The following KDM4C variants were observed in gnomAD, a reference collection of about 807,000 sequenced individuals.
KDM4C encodes the protein lysine-specific demethylase 4C.
KDM4C carries 81 observed loss-of-function variants against 129.3 expected under a neutral mutation model. The ratio of observed to expected loss-of-function variants is 0.63; its 90% confidence interval spans 0.52 to 0.75. The LOEUF (loss-of-function observed/expected upper bound fraction) is 0.75, where lower values mean the gene tolerates loss of function less well. Among genes scored for constraint, KDM4C ranks in the 30% least tolerant of loss-of-function variants. The probability of loss-of-function intolerance (pLI) is 0.00; values close to 1 mark genes in which losing one functional copy is unlikely to be tolerated. For missense variants in KDM4C, 1,457 were observed against 1,304.0 expected, an observed-to-expected ratio of 1.12 and a Z score of -1.81; for synonymous variants, 573 against 456.1, an observed-to-expected ratio of 1.26 and a Z score of -3.26.
intron 8 of KDM4C, among the ~76,000 whole-genome samples, chr9:6,937,611 G>A (rs1028941721): frequency 1.3e-5 from 2 of 152,108 alleles, no homozygotes; most frequent in African/African-American, 4.8e-5. Flanking sequence ...AGCAGGCTGG[G>A]AGTCTTCACC....
intron 8 of KDM4C, among the ~76,000 whole-genome samples, chr9:6,966,849 A>T (rs935170917): frequency 6.6e-6 from 1 of 152,222 alleles, no homozygotes; most frequent in Non-Finnish European, 1.5e-5. Flanking sequence ...AGATGAAAAT[A>T]TAGGGGACAG....
At chr9:6,974,201 G>A (rs1467186320) in intron 8 of KDM4C, among the ~76,000 whole-genome samples, 1 of 152,194 alleles carries the variant, frequency 6.6e-6, no homozygotes, top group African/African-American at 2.4e-5. Flanking sequence ...GGTTCAGGAT[G>A]CGTTCTAATT....
chr9:6,724,781 G>A (rs922015453), intron 1 of KDM4C, among the ~76,000 whole-genome samples: 4 of 152,074 alleles, frequency 2.6e-5, no homozygotes, highest in Non-Finnish European at 5.9e-5. Context: ...TGCCCACCTC[G>A]GCCTCCCAAA....
intron 18 of KDM4C, among the ~76,000 whole-genome samples, chr9:7,112,231 G>T (rs954554209): frequency 1.3e-5 from 2 of 152,134 alleles, no homozygotes; most frequent in Non-Finnish European, 2.9e-5. Flanking sequence ...GAACTCCTTT[G>T]CCACTGCTTC....
chr9:6,917,103 G>A (rs1820448238), intron 8 of KDM4C, among the ~76,000 whole-genome samples: 1 of 152,182 alleles, frequency 6.6e-6, no homozygotes, highest in South Asian at 2.1e-4. Context: ...TGGCAGGAGT[G>A]AATTGGAGAA....
intron 8 of KDM4C, among the ~76,000 whole-genome samples, chr9:6,966,972 A>G (rs899105232): frequency 6.6e-6 from 1 of 152,240 alleles, no homozygotes; most frequent in Non-Finnish European, 1.5e-5. Flanking sequence ...GCTGCTCACC[A>G]AATATATCAC....
chr9:7,140,197 C>G (rs935752719), intron 19 of KDM4C, among the ~76,000 whole-genome samples: 3 of 152,008 alleles, frequency 2.0e-5, no homozygotes, highest in African/African-American at 7.3e-5. Context: ...AACAACCTGA[C>G]CATCACCTGA....
chr9:6,966,093 G>T (rs185344680), intron 8 of KDM4C, among the ~76,000 whole-genome samples: 1 of 152,272 alleles, frequency 6.6e-6, no homozygotes, highest in East Asian at 1.9e-4. Context: ...ATGGAAGTAA[G>T]TCTGAAAAAC....
intron 8 of KDM4C, among the ~76,000 whole-genome samples, chr9:6,894,304 C>T (rs1421948275): frequency 6.6e-6 from 1 of 152,194 alleles, no homozygotes; most frequent in African/African-American, 2.4e-5. Context: ...TATTAGAAGA[C>T]TTTTTCTGTT....
At chr9:6,791,789 A>C (rs1047397015) in intron 1 of KDM4C, among the ~76,000 whole-genome samples, 1 of 151,280 alleles carries the variant, frequency 6.6e-6, no homozygotes, top group Non-Finnish European at 1.5e-5. Flanking sequence ...TTGGGAGGCC[A>C]AGGCGGGTGG....
intron 15 of KDM4C, among the ~76,000 whole-genome samples, chr9:7,023,235 T>A (rs890155172): frequency 6.6e-6 from 1 of 152,182 alleles, no homozygotes; most frequent in African/African-American, 2.4e-5. Context: ...TTTAAATGTT[T>A]GGTAGAATTC....
chr9:7,109,663 T>C (rs557510090), intron 18 of KDM4C, among the ~76,000 whole-genome samples: 5 of 152,322 alleles, frequency 3.3e-5, no homozygotes, highest in African/African-American at 9.6e-5. Flanking sequence ...TACTTGACTC[T>C]TTTAAACATC....
At chr9:7,033,887 A>C (rs753612409) in intron 15 of KDM4C, among the ~76,000 whole-genome samples, 2 of 152,162 alleles carry the variant, frequency 1.3e-5, no homozygotes, top group Non-Finnish European at 2.9e-5. Context: ...ACTGGGCTGC[A>C]AGGCACATCT....
chr9:6,720,906 T>TG, exon 1 of KDM4C: 3 of 1,530,440 alleles, frequency 2.0e-6, no homozygotes, highest in Non-Finnish European at 2.7e-6. Flanking sequence ...GTTGAATAGT[T>TG]GGAGTGTTCT....
intron 4 of KDM4C, chr9:6,834,495 T>G (rs2131348400): frequency 1.6e-6 from 1 of 630,958 alleles, no homozygotes; most frequent in East Asian, 3.2e-5. Context: ...CGACAACGGC[T>G]CCGGCATGTG....
At chr9:7,077,243 T>C in intron 17 of KDM4C, 4 of 984,766 alleles carry the variant, frequency 4.1e-6, no homozygotes, top group Non-Finnish European at 4.8e-6. Context: ...TATGGTGAAT[T>C]AAAGATGCCA....
intron 17 of KDM4C, among the ~76,000 whole-genome samples, chr9:7,065,491 G>A (rs555496111): frequency 2.0e-5 from 3 of 151,818 alleles, no homozygotes; most frequent in Admixed American, 2.0e-4. Flanking sequence ...TTTGGACAAA[G>A]CAAAAAAGTA....
chr9:6,790,034 G>A (rs62567972), intron 1 of KDM4C, among the ~76,000 whole-genome samples: 1,629 of 151,076 alleles, frequency 0.011, 15 homozygotes, highest in Non-Finnish European at 0.017. Context: ...AGCACTTTGG[G>A]AGGCCGAGGC....
At chr9:7,007,832 C>T (rs1423604328) in intron 12 of KDM4C, among the ~76,000 whole-genome samples, 1 of 151,896 alleles carries the variant, frequency 6.6e-6, no homozygotes, top group Non-Finnish European at 1.5e-5. Context: ...GCAATAAAAA[C>T]AACATTTACA....
Sources: gnomAD v4.1 joint callset for allele counts (sites outside exome capture counted in the v4.1 genomes callset) on GRCh38, gnomAD v4.1.1 for gene constraint, MANE v1.5 for transcripts, NCBI Gene and HGNC (gene_info 2026-07-23, HGNC 2026-07-21) for gene names.